The following C10orf90 variants were observed in gnomAD, a reference collection of about 807,000 sequenced individuals.
The protein encoded by C10orf90 is (E2-independent) E3 ubiquitin-conjugating enzyme FATS.
In C10orf90, 56 loss-of-function variants were observed where a neutral mutation model predicts 62.5. The observed-to-expected ratio is 0.90, with a 90% CI of 0.72 to 1.12. C10orf90 has a LOEUF of 1.12. Among genes scored for constraint, C10orf90 ranks in the 50% most tolerant of loss-of-function variants. The probability of loss-of-function intolerance (pLI) is 0.00; values close to 1 mark genes in which losing one functional copy is unlikely to be tolerated. For missense variants in C10orf90, 970 were observed against 880.4 expected, an observed-to-expected ratio of 1.10 and a Z score of -1.29; for synonymous variants, 386 against 340.4, an observed-to-expected ratio of 1.13 and a Z score of -1.47.
chr10:126,632,616 T>A (rs1008599753), intron 2 of C10orf90, among the ~76,000 whole-genome samples: 2 of 152,060 alleles, frequency 1.3e-5, no homozygotes, highest in African/African-American at 2.4e-5. Flanking sequence ...ACTGCTTTGT[T>A]GTAGAAGCAT....
At chr10:126,612,325 A>T (rs968752945) in intron 2 of C10orf90, among the ~76,000 whole-genome samples, 2 of 148,924 alleles carry the variant, frequency 1.3e-5, no homozygotes, top group Admixed American at 6.7e-5. Flanking sequence ...TGTCTTAAAT[A>T]AAAAAAAAAA....
At chr10:126,662,667 G>T (rs778537985) in intron 1 of C10orf90, among the ~76,000 whole-genome samples, 1 of 151,986 alleles carries the variant, frequency 6.6e-6, no homozygotes, top group Non-Finnish European at 1.5e-5. Context: ...GTCCCCCCAC[G>T]CCTGGAAACC....
At chr10:126,527,028 A>T (rs1320902359) in intron 2 of C10orf90, among the ~76,000 whole-genome samples, 1 of 152,172 alleles carries the variant, frequency 6.6e-6, no homozygotes, top group Non-Finnish European at 1.5e-5. Flanking sequence ...GTGAAAATTC[A>T]TGCACAAGTT....
intron 2 of C10orf90, among the ~76,000 whole-genome samples, chr10:126,561,771 T>C (rs1005166439): frequency 5.3e-5 from 8 of 152,122 alleles, no homozygotes; most frequent in Non-Finnish European, 1.0e-4. Flanking sequence ...GTTGTGTGCC[T>C]GACACAGAGG....
chr10:126,436,644 G>A (rs1010178618), intron 7 of C10orf90, among the ~76,000 whole-genome samples: 4 of 152,032 alleles, frequency 2.6e-5, no homozygotes, highest in African/African-American at 9.7e-5. Context: ...CACCCATTGC[G>A]GGAGCAGAAT....
chr10:126,619,011 T>G (rs1845595230), intron 2 of C10orf90, among the ~76,000 whole-genome samples: 1 of 152,146 alleles, frequency 6.6e-6, no homozygotes, highest in African/African-American at 2.4e-5. Context: ...AAAAATGAGA[T>G]CATGTCTTTT....
chr10:126,626,690 C>A (rs1003148518), intron 2 of C10orf90, among the ~76,000 whole-genome samples: 1 of 152,142 alleles, frequency 6.6e-6, no homozygotes, highest in African/African-American at 2.4e-5. Flanking sequence ...GTGCCTGGAG[C>A]AGAAACTGAA....
intron 7 of C10orf90, among the ~76,000 whole-genome samples, chr10:126,442,286 C>G (rs1858387385): frequency 6.6e-6 from 1 of 150,804 alleles, no homozygotes; most frequent in Non-Finnish European, 1.5e-5. Context: ...AACTTTAAAG[C>G]AACAGCAGTT....
chr10:126,477,944 C>T (rs1490998691), intron 4 of C10orf90, among the ~76,000 whole-genome samples: 3 of 152,190 alleles, frequency 2.0e-5, no homozygotes, highest in East Asian at 3.8e-4. Flanking sequence ...TGCTCAGAAT[C>T]CCACCAAGCC....
intron 2 of C10orf90, among the ~76,000 whole-genome samples, chr10:126,514,570 G>C (rs145755238): frequency 3.2e-4 from 48 of 152,308 alleles, no homozygotes; most frequent in African/African-American, 1.1e-3. Context: ...TCTAGTGCTG[G>C]ATGCCCCAAA....
chr10:126,555,745 C>T lies in C10orf90; in HGVS notation c.314-41806G>A, dbSNP rs914072784. The stretch of plus-strand genomic sequence containing the variant: ...AAATTAAATAAATAAAAAAGCTAAT[C>T]AAATCCTCCAAATTTACACTTGGGT... On this transcript the variant is annotated intron_variant, in intron 2 of 9. Coordinates refer to ENST00000488181, the MANE Select transcript of C10orf90 (RefSeq NM_001350921.2). Among the ~76,000 whole-genome samples the T allele has an allele frequency of 3.4e-5, 5 of 146,724 alleles. No homozygotes were observed. In the South Asian group the frequency reaches 1.1e-3, roughly 32 times the overall value.
rs1846146406 is a variant in C10orf90, at chr10:126,645,277, AAAG to A, written c.313+1285_313+1287del. 2.0e-5 allele frequency among the ~76,000 whole-genome samples: 3 copies of A among 151,708 alleles called. No homozygotes were observed. In the South Asian group the frequency reaches 6.3e-4, roughly 32 times the overall value. The stretch of plus-strand genomic sequence containing the variant: ...AAAGTATAAAAAAAAAAAAAAAAAA[AAAG>A]CTGGAGGCTGGGTGCAGTGGCTCAT... On this transcript the variant is annotated intron_variant, in intron 2 of 9. Transcript: ENST00000488181.
At chr10:126,645,518 A>G (rs1275795353) in intron 2 of C10orf90, among the ~76,000 whole-genome samples, 2 of 150,652 alleles carry the variant, frequency 1.3e-5, no homozygotes, top group Non-Finnish European at 1.5e-5. Context: ...TGAGCCCAGG[A>G]GTTCAAAGCT....
Position 126,489,954 on chromosome 10 carries a change from CTG to C in C10orf90, c.1534+14001_1534+14002del, listed in dbSNP as rs1351246178. 2.2e-4 allele frequency among the ~76,000 whole-genome samples: 29 copies of C among 129,304 alleles called. 2 individuals carry two copies. The East Asian group carries it at 4.9e-3, about 22-fold the overall frequency. 84.8% of individuals were successfully genotyped at this position (129,304 alleles called of 152,430 possible). On this transcript the variant is annotated intron_variant, in intron 4 of 9. Transcript: ENST00000488181. ...AAAGAGGGGAATATATGCCACATAT[CTG>C]TGTGTGTGTATATATACATATAATA...
rs149999393 is a variant in C10orf90 at position 126,663,718 on chromosome 10, A to G, written c.240+6523T>C. ...TTTTTTGTGACTTCCTTTGGGGTTC[A>G]TGCGGTTGGAAAATATTGGTCTAGA... On this transcript the variant is annotated intron_variant, in intron 1 of 9. Coordinates refer to ENST00000488181, the MANE Select transcript of C10orf90 (RefSeq NM_001350921.2). Among the ~76,000 whole-genome samples the G allele has an allele frequency of 2.0e-4, 31 of 152,124 alleles. 1 individual carries two copies. The South Asian group carries it at 5.8e-3, about 28-fold the overall frequency.
intron 7 of C10orf90, among the ~76,000 whole-genome samples, chr10:126,445,835 A>C (rs1858741418): frequency 6.6e-6 from 1 of 150,494 alleles, no homozygotes. Flanking sequence ...ATACAATGGA[A>C]TACTACTCAG....
intron 2 of C10orf90, among the ~76,000 whole-genome samples, chr10:126,558,357 C>T (rs1864824587): frequency 6.6e-6 from 1 of 152,154 alleles, no homozygotes; most frequent in East Asian, 1.9e-4. Flanking sequence ...AGGATGAAAT[C>T]CAAACCCCGA....
At chr10:126,460,532 G>A (rs1279738425) in intron 6 of C10orf90, among the ~76,000 whole-genome samples, 1 of 152,226 alleles carries the variant, frequency 6.6e-6, no homozygotes, top group African/African-American at 2.4e-5. Flanking sequence ...CCAGCCACCA[G>A]GAACAGAGAA....
Position 126,513,953 on chromosome 10 carries a change from G to A in C10orf90, c.314-14C>T, listed in dbSNP as rs774727802. On this transcript the variant is annotated splice_polypyrimidine_tract_variant and intron_variant, in intron 2 of 9. Transcript: ENST00000488181. ...TGTCCCGTAATCCTAGGCAAAAGAA[G>A]ATAATATTGCTACTTTTTAGTATAT... The A allele has an allele frequency of 2.8e-4, 446 of 1,565,310 alleles. No homozygotes were observed. The highest frequency in any genetic ancestry group is 3.8e-4 in the Non-Finnish European group (428 of 1,140,388).
Sources: gnomAD v4.1 joint callset for allele counts (sites outside exome capture counted in the v4.1 genomes callset) on GRCh38, gnomAD v4.1.1 for gene constraint, MANE v1.5 for transcripts, NCBI Gene and HGNC (gene_info 2026-07-23, HGNC 2026-07-21) for gene names.